The following NEMP2 variants were observed in gnomAD, a reference collection of about 807,000 sequenced individuals.
The protein encoded by NEMP2 is UPF0571 transmembrane protein.
A neutral mutation model predicts 54.2 loss-of-function variants in NEMP2; 53 were observed. The ratio of observed to expected loss-of-function variants is 0.98; its 90% CI spans 0.78 to 1.23. NEMP2 has a LOEUF of 1.23. NEMP2 is among the 50% of genes most tolerant of loss of function. NEMP2 has a pLI of 0.00. For synonymous variants in NEMP2, 197 were observed against 190.3 expected, an observed-to-expected ratio of 1.04 and a Z score of -0.29; for missense variants, 455 against 511.3, an observed-to-expected ratio of 0.89 and a Z score of 1.06.
At chr2:190,538,823 T>C (rs1574330633), upstream of NEMP2, among the ~76,000 whole-genome samples, 1 of 152,216 alleles carries the variant, frequency 6.6e-6, no homozygotes, top group East Asian at 1.9e-4. This position sits in a 1 kb window ranked among gnomAD's most constrained non-coding sequence, Gnocchi z 4.1. Flanking sequence ...GGTTTTTTGC[T>C]ATTCAATTGT....
chr2:190,481,929 G>A, the NEMP2 span, among the ~76,000 whole-genome samples: 3 of 152,202 alleles, frequency 2.0e-5, no homozygotes, highest in Non-Finnish European at 4.4e-5. Flanking sequence ...CAGAGAGACT[G>A]GCTTGCTACT....
chr2:190,603,654 A>T, the NEMP2 span, among the ~76,000 whole-genome samples: 1 of 150,278 alleles, frequency 6.7e-6, no homozygotes, highest in Non-Finnish European at 1.5e-5. Flanking sequence ...CATTTAGGAA[A>T]GTAGAGAGTG....
downstream of NEMP2, among the ~76,000 whole-genome samples, chr2:190,502,546 C>T (rs1690072371): frequency 6.6e-6 from 1 of 152,114 alleles, no homozygotes; most frequent in Non-Finnish European, 1.5e-5. The surrounding 1 kb of genome is among the most constrained non-coding windows in gnomAD (Gnocchi z 4.4). Context: ...ATACATTGTC[C>T]AGCAGGCAGT....
chr2:190,442,742 ATTGT>A, the NEMP2 span: 2 of 152,248 alleles, frequency 1.3e-5, no homozygotes, highest in African/African-American at 4.8e-5. Flanking sequence ...TGGGGGTGTG[ATTGT>A]TTGGTTTGAA....
the NEMP2 span, among the ~76,000 whole-genome samples, chr2:190,637,046 G>C: frequency 1.6e-4 from 25 of 152,318 alleles, no homozygotes; most frequent in Admixed American, 5.2e-4. The surrounding 1 kb of genome is among the most constrained non-coding windows in gnomAD (Gnocchi z 4.5). Flanking sequence ...AAAAAGTACA[G>C]ATTTCCCAAG....
chr2:190,629,573 G>C, the NEMP2 span, among the ~76,000 whole-genome samples: 1 of 152,144 alleles, frequency 6.6e-6, no homozygotes, highest in African/African-American at 2.4e-5. Context: ...TTTATAAATA[G>C]AATAATTCAT....
chr2:190,444,871 T>A, the NEMP2 span: 2 of 827,928 alleles, frequency 2.4e-6, no homozygotes, highest in African/African-American at 1.8e-5. Context: ...AATTATTTTA[T>A]ACAAAATCAT....
the NEMP2 span, among the ~76,000 whole-genome samples, chr2:190,539,745 A>G: frequency 6.6e-6 from 1 of 152,150 alleles, no homozygotes; most frequent in African/African-American, 2.4e-5. This position sits in a 1 kb window ranked among gnomAD's most constrained non-coding sequence, Gnocchi z 4.1. Context: ...TATAAATACA[A>G]CTGATTTTTG....
At chr2:190,600,603 G>C in the NEMP2 span, among the ~76,000 whole-genome samples, 3 of 152,084 alleles carry the variant, frequency 2.0e-5, no homozygotes, top group African/African-American at 7.2e-5. This position sits in a 1 kb window ranked among gnomAD's most constrained non-coding sequence, Gnocchi z 4.9. Context: ...TTGTTAAAGA[G>C]AGTCTGGCTT....
At chr2:190,639,367 A>G in the NEMP2 span, among the ~76,000 whole-genome samples, 50,139 of 149,788 alleles carry the variant, frequency 0.33, 8,515 homozygotes, top group Middle Eastern at 0.42. Flanking sequence ...TTTAGCTCCC[A>G]GATTTTGTTG....
chr2:190,550,090 C>T, the NEMP2 span, among the ~76,000 whole-genome samples: 1 of 152,062 alleles, frequency 6.6e-6, no homozygotes, highest in African/African-American at 2.4e-5. This position sits in a 1 kb window ranked among gnomAD's most constrained non-coding sequence, Gnocchi z 4.7. Context: ...ATCTCTTTTC[C>T]CCATATCAAG....
the NEMP2 span, among the ~76,000 whole-genome samples, chr2:190,442,402 C>A: frequency 6.6e-6 from 1 of 152,100 alleles, no homozygotes; most frequent in Non-Finnish European, 1.5e-5. Flanking sequence ...ACCTGAATTT[C>A]ATCTGGAGGC....
the NEMP2 span, among the ~76,000 whole-genome samples, chr2:190,481,973 C>A: frequency 1.3e-5 from 2 of 152,180 alleles, no homozygotes; most frequent in Admixed American, 1.3e-4. Flanking sequence ...CGTGGACATG[C>A]AGCTAGATTC....
the NEMP2 span, among the ~76,000 whole-genome samples, chr2:190,561,432 T>TTTCTTCTGAGACCTCTCTCC: frequency 8.5e-5 from 13 of 152,292 alleles, 2 homozygotes; most frequent in African/African-American, 2.9e-4. This position sits in a 1 kb window ranked among gnomAD's most constrained non-coding sequence, Gnocchi z 5.4. Context: ...TCAGCAGGTT[T>TTTCTTCTGAGACCTCTCTCC]TTCTTCTGAG....
the NEMP2 span, among the ~76,000 whole-genome samples, chr2:190,547,158 C>T: frequency 5.9e-5 from 9 of 152,272 alleles, no homozygotes; most frequent in African/African-American, 2.2e-4. This position sits in a 1 kb window ranked among gnomAD's most constrained non-coding sequence, Gnocchi z 6.2. Flanking sequence ...TTGCTAAAAG[C>T]GGTGGAGCGA....
At chr2:190,603,834 C>T in the NEMP2 span, among the ~76,000 whole-genome samples, 1 of 151,990 alleles carries the variant, frequency 6.6e-6, no homozygotes, top group African/African-American at 2.4e-5. Flanking sequence ...GAAACCAACA[C>T]TGGGCAAACT....
rs1424021737 is a variant in NEMP2 at position 190,531,743 on chromosome 2, C to T, written c.97+2816G>A. Among the ~76,000 whole-genome samples the T allele has an allele frequency of 6.6e-6, 1 of 151,930 alleles. No homozygotes were observed. Among genetic ancestry groups the T allele is most frequent in the African/African-American group, 2.4e-5 (1 of 41,336 alleles). On this transcript the variant is annotated intron_variant, in intron 1 of 8. Transcript: ENST00000409150. The surrounding 1 kb of genome is among the most constrained non-coding windows in gnomAD (Gnocchi z 4.7). The stretch of plus-strand genomic sequence containing the variant: ...ATTATCTCCTTTGTAGTACTTTTGT[C>T]ATTTATTAGTTTTCCTAAATGTAAG...
At chr2:190,642,126 C>T in the NEMP2 span, among the ~76,000 whole-genome samples, 40 of 152,290 alleles carry the variant, frequency 2.6e-4, 1 homozygote, top group Middle Eastern at 6.8e-3. This position sits in a 1 kb window ranked among gnomAD's most constrained non-coding sequence, Gnocchi z 4.1. Flanking sequence ...CCTAATCCCC[C>T]CAAAGTCTGT....
chr2:190,462,182 T>C, the NEMP2 span, among the ~76,000 whole-genome samples: 1 of 152,206 alleles, frequency 6.6e-6, no homozygotes, highest in African/African-American at 2.4e-5. The surrounding 1 kb of genome is among the most constrained non-coding windows in gnomAD (Gnocchi z 5.7). Flanking sequence ...TGATTCCATA[T>C]TGAGTACACA....
Sources: gnomAD v4.1 joint callset for allele counts (sites outside exome capture counted in the v4.1 genomes callset) on GRCh38, gnomAD v4.1.1 for gene constraint, Gnocchi (gnomAD v3.1) non-coding constraint, MANE v1.5 for transcripts, NCBI Gene and HGNC (gene_info 2026-07-23, HGNC 2026-07-21) for gene names.